Variants in PRKN observed in about 807,000 individuals in gnomAD.
PRKN encodes E3 ubiquitin-protein ligase parkin.
PRKN carries 56 observed loss-of-function variants against 59.5 expected under a neutral mutation model. The observed-to-expected ratio is 0.94, with a 90% CI of 0.76 to 1.18. The LOEUF (loss-of-function observed/expected upper bound fraction) is 1.18. Among genes scored for constraint, PRKN ranks in the 50% most tolerant of loss-of-function variants. The pLI, the probability that PRKN is intolerant of heterozygous loss-of-function variation, is 0.00. For missense variants in PRKN, 657 were observed against 596.4 expected, an observed-to-expected ratio of 1.10 and a Z score of -1.06; for synonymous variants, 250 against 222.1, an observed-to-expected ratio of 1.13 and a Z score of -1.12.
At chr6:162,489,105 C>T (rs570403589) in intron 1 of PRKN, among the ~76,000 whole-genome samples, 1 of 139,930 alleles carries the variant, frequency 7.1e-6, no homozygotes, top group Non-Finnish European at 1.6e-5. Flanking sequence ...CTTCCTCTTC[C>T]TTTTTCCTAA....
At chr6:162,427,809 C>T (rs1789313608) in intron 2 of PRKN, among the ~76,000 whole-genome samples, 1 of 151,916 alleles carries the variant, frequency 6.6e-6, no homozygotes, top group Non-Finnish European at 1.5e-5. Context: ...CCACGCCCAG[C>T]TAATGTTTTG....
chr6:161,782,843 G>A (rs568717850), intron 7 of PRKN, among the ~76,000 whole-genome samples: 3 of 152,050 alleles, frequency 2.0e-5, no homozygotes, highest in East Asian at 1.9e-4. Context: ...GCAGTGAGCC[G>A]AGATCATGCC....
chr6:161,466,000 A>G (rs1293584557), intron 9 of PRKN, among the ~76,000 whole-genome samples: 1 of 152,208 alleles, frequency 6.6e-6, no homozygotes, highest in East Asian at 1.9e-4. Flanking sequence ...TGATATCTGT[A>G]TACACTATGT....
intron 6 of PRKN, among the ~76,000 whole-genome samples, chr6:161,803,916 T>C (rs1401809616): frequency 6.6e-6 from 1 of 152,042 alleles, no homozygotes; most frequent in East Asian, 1.9e-4. Flanking sequence ...ACTATTTCGC[T>C]AAAAGGAATG....
At chr6:161,803,490 T>C (rs1003887152) in intron 6 of PRKN, among the ~76,000 whole-genome samples, 2 of 152,190 alleles carry the variant, frequency 1.3e-5, no homozygotes, top group East Asian at 3.9e-4. Flanking sequence ...AGAAGAACTG[T>C]CCTTGGGTAG....
intron 1 of PRKN, among the ~76,000 whole-genome samples, chr6:162,449,304 T>C (rs1410571813): frequency 6.6e-6 from 1 of 152,222 alleles, no homozygotes; most frequent in Admixed American, 6.5e-5. Flanking sequence ...GCCTTATTCC[T>C]ACCCTCTTTG....
At chr6:162,625,659 G>A (rs974230582) in intron 1 of PRKN, among the ~76,000 whole-genome samples, 4 of 151,842 alleles carry the variant, frequency 2.6e-5, no homozygotes, top group Admixed American at 6.6e-5. Flanking sequence ...ATGTGTGTGT[G>A]TATATGTATT....
At chr6:161,941,641 C>T (rs1203862782) in intron 6 of PRKN, among the ~76,000 whole-genome samples, 2 of 152,198 alleles carry the variant, frequency 1.3e-5, no homozygotes, top group East Asian at 3.9e-4. Context: ...AAAGAGCACC[C>T]TGTAACACAT....
chr6:161,721,048 G>A (rs147797173), intron 7 of PRKN, among the ~76,000 whole-genome samples: 7 of 152,296 alleles, frequency 4.6e-5, no homozygotes, highest in African/African-American at 1.7e-4. Context: ...CATTTGATAT[G>A]AATAAGATGA....
chr6:162,461,273 G>T (rs1486578553), intron 1 of PRKN, among the ~76,000 whole-genome samples: 1 of 151,532 alleles, frequency 6.6e-6, no homozygotes, highest in Non-Finnish European at 1.5e-5. Context: ...AGGCCGAGGC[G>T]GGAGGATCAC....
chr6:161,600,677 A>G (rs1782074340), intron 7 of PRKN, among the ~76,000 whole-genome samples: 1 of 152,176 alleles, frequency 6.6e-6, no homozygotes, highest in Admixed American at 6.5e-5. Context: ...CTTTTTACCT[A>G]AGACAAGGCA....
At chr6:162,670,611 C>T (rs1394249783) in intron 1 of PRKN, among the ~76,000 whole-genome samples, 1 of 152,162 alleles carries the variant, frequency 6.6e-6, no homozygotes, top group Admixed American at 6.5e-5. Context: ...AGCTCTTGTA[C>T]CTCAGCCAGA....
At chr6:162,012,130 G>A (rs1335422331) in intron 5 of PRKN, among the ~76,000 whole-genome samples, 5 of 152,028 alleles carry the variant, frequency 3.3e-5, no homozygotes, top group South Asian at 2.1e-4. Context: ...ATGAGAAATC[G>A]TTTAACCATG....
Position 162,445,178 on chromosome 6 carries a change from G to A in PRKN, c.8-1705C>T, listed in dbSNP as rs140650447. Among the ~76,000 whole-genome samples, 67 of 152,182 alleles carry A rather than the reference G, an allele frequency of 4.4e-4. No individual in the cohort carries two copies. The East Asian group carries it at 0.012, about 26-fold the overall frequency. On this transcript the variant is annotated intron_variant, in intron 1 of 11. Transcript: ENST00000366898. Reference sequence around the variant, plus strand: ...GCACTTACTATGTGCCAGACATTGTGCTCTCATATGGTTTTTCTAAGCCTC... The same window carrying A: ...GCACTTACTATGTGCCAGACATTGTACTCTCATATGGTTTTTCTAAGCCTC...
intron 9 of PRKN, among the ~76,000 whole-genome samples, chr6:161,541,282 T>C (rs191811769): frequency 2.8e-4 from 43 of 152,304 alleles, no homozygotes; most frequent in Admixed American, 3.3e-4. Context: ...TAAATAGCCA[T>C]ATGTGGCTAA....
chr6:161,454,474 T>A lies in PRKN; in HGVS notation c.1084-67597A>T, dbSNP rs1789878333. Among the ~76,000 whole-genome samples, 1 of 152,204 alleles carries A rather than the reference T, an allele frequency of 6.6e-6. No individual in the cohort carries two copies. Among genetic ancestry groups the A allele is most frequent in the Admixed American group, 6.5e-5 (1 of 15,282 alleles). ...GAGGAACAGCAGTTCATTCGTGGTC[T>A]TGAGTCCAGGTTCCAGGTTCTAAGC... On this transcript the variant is annotated intron_variant, in intron 9 of 11. Coordinates refer to ENST00000366898, the MANE Select transcript of PRKN (RefSeq NM_004562.3). This position sits in a 1 kb window ranked among gnomAD's most constrained non-coding sequence, Gnocchi z 4.6.
chr6:161,421,081 T>A (rs141936682), intron 9 of PRKN, among the ~76,000 whole-genome samples: 1 of 152,312 alleles, frequency 6.6e-6, no homozygotes, highest in African/African-American at 2.4e-5. Context: ...GGAAGGATCC[T>A]CCTGGTCCTT....
At chr6:161,758,771 G>A (rs1349666824) in intron 7 of PRKN, among the ~76,000 whole-genome samples, 1 of 152,210 alleles carries the variant, frequency 6.6e-6, no homozygotes, top group Non-Finnish European at 1.5e-5. Flanking sequence ...GGACTGGCCT[G>A]AAGTCACAAA....
intron 5 of PRKN, among the ~76,000 whole-genome samples, chr6:161,987,822 T>C (rs1781489976): frequency 6.6e-6 from 1 of 152,176 alleles, no homozygotes; most frequent in Admixed American, 6.5e-5. Context: ...ATTAAAGTTA[T>C]TTATTTGTTT....
Sources: gnomAD v4.1 joint callset for allele counts (sites outside exome capture counted in the v4.1 genomes callset) on GRCh38, gnomAD v4.1.1 for gene constraint, Gnocchi (gnomAD v3.1) non-coding constraint, MANE v1.5 for transcripts, NCBI Gene and HGNC (gene_info 2026-07-23, HGNC 2026-07-21) for gene names.